Variants in CCDC171 observed in about 807,000 individuals in gnomAD.
CCDC171 encodes the protein coiled-coil domain containing 171.
A neutral mutation model predicts 168.2 loss-of-function variants in CCDC171; 177 were observed. The observed-to-expected ratio is 1.05, with a 90% CI of 0.93 to 1.19. The LOEUF (loss-of-function observed/expected upper bound fraction) is 1.19, where lower values mean the gene tolerates loss of function less well. CCDC171 is among the 50% of genes most tolerant of loss of function. The pLI is 0.00. For missense variants in CCDC171, 1,991 were observed against 1,539.0 expected (o/e 1.29, Z -4.91); for synonymous variants, 687 against 540.8 (o/e 1.27, Z -3.75).
the CCDC171 span, among the ~76,000 whole-genome samples, chr9:16,074,192 C>T: frequency 6.6e-6 from 1 of 152,126 alleles, no homozygotes; most frequent in Non-Finnish European, 1.5e-5. Flanking sequence ...CCCTTTAAAC[C>T]TTGCTTCTTG....
intron 3 of CCDC171, among the ~76,000 whole-genome samples, chr9:15,993,067 C>G (rs541982710): frequency 1.3e-5 from 2 of 152,322 alleles, no homozygotes; most frequent in East Asian, 3.9e-4. Flanking sequence ...CTACCAATGA[C>G]TGTCTTCACA....
At chr9:15,807,751 C>T (rs747830587) in intron 21 of CCDC171, among the ~76,000 whole-genome samples, 1 of 151,726 alleles carries the variant, frequency 6.6e-6, no homozygotes, top group Non-Finnish European at 1.5e-5. Flanking sequence ...AGGGTAATTT[C>T]TTCCTCTCCA....
chr9:15,786,613 C>T (rs2135517737), intron 21 of CCDC171, among the ~76,000 whole-genome samples: 1 of 152,210 alleles, frequency 6.6e-6, no homozygotes, highest in South Asian at 2.1e-4. Context: ...TGAAGCTCAG[C>T]CATTGAAACA....
intron 16 of CCDC171, among the ~76,000 whole-genome samples, chr9:15,735,766 G>T (rs2054453689): frequency 6.6e-6 from 1 of 152,148 alleles, no homozygotes; most frequent in African/African-American, 2.4e-5. Flanking sequence ...ATACACGCCA[G>T]CCTGCAGCGA....
At chr9:15,976,170 T>C (rs1193011814), downstream of CCDC171, among the ~76,000 whole-genome samples, 1 of 152,168 alleles carries the variant, frequency 6.6e-6, no homozygotes, top group African/African-American at 2.4e-5. Context: ...CACAAGTTTG[T>C]GGTAATTTGT....
At chr9:15,626,066 T>A (rs1196000747) in intron 7 of CCDC171, among the ~76,000 whole-genome samples, 2 of 152,216 alleles carry the variant, frequency 1.3e-5, no homozygotes, top group African/African-American at 2.4e-5. Context: ...AGGTATTTTA[T>A]TCTCTTTGTA....
the CCDC171 span, among the ~76,000 whole-genome samples, chr9:16,090,619 A>T: frequency 1.3e-5 from 2 of 152,186 alleles, no homozygotes; most frequent in East Asian, 1.9e-4. Context: ...AAAGAGAAGG[A>T]AACCAATGGT....
At chr9:15,875,912 T>C (rs550566190) in intron 24 of CCDC171, 62 of 152,112 alleles carry the variant, frequency 4.1e-4, no homozygotes, top group Non-Finnish European at 8.1e-4. Context: ...ATTTAAAATG[T>C]GTATTTTAAA....
chr9:15,738,133 C>T (rs2054613224), intron 16 of CCDC171, among the ~76,000 whole-genome samples: 1 of 152,150 alleles, frequency 6.6e-6, no homozygotes, highest in Non-Finnish European at 1.5e-5. Context: ...TTTTTGCCAA[C>T]ATAAAGAGCA....
chr9:15,720,070 A>G (rs1005551001), intron 11 of CCDC171, among the ~76,000 whole-genome samples: 7 of 152,054 alleles, frequency 4.6e-5, no homozygotes, highest in African/African-American at 1.7e-4. Flanking sequence ...TTTGGTTTTT[A>G]AGTTAAATGT....
chr9:16,006,210 C>T, intron 3 of CCDC171, among the ~76,000 whole-genome samples: 1 of 152,130 alleles, frequency 6.6e-6, no homozygotes, highest in Non-Finnish European at 1.5e-5. Flanking sequence ...TTTTACATTC[C>T]CACTAGCAAT....
chr9:15,775,126 C>T lies in CCDC171; in HGVS notation c.2672-2474C>T, dbSNP rs145031524. Among the ~76,000 whole-genome samples, 119 of 152,250 alleles carry T rather than the reference C, an allele frequency of 7.8e-4. No individual in the cohort carries two copies. In the Middle Eastern group the frequency reaches 0.01, roughly 13 times the overall value. On this transcript the variant is annotated intron_variant, in intron 18 of 25. Coordinates refer to ENST00000380701, the MANE Select transcript of CCDC171 (RefSeq NM_173550.4). ...GAAATAAAAAAAATTGCCCTCTGTA[C>T]TGTATAATGTGAACTATATTGTAAA... is the stretch of plus-strand genomic sequence containing the variant.
chr9:15,966,386 G>GT (rs1432927642), intron 25 of CCDC171, among the ~76,000 whole-genome samples: 1 of 152,202 alleles, frequency 6.6e-6, no homozygotes, highest in African/African-American at 2.4e-5. Context: ...CACAGTACAA[G>GT]TGAGGAAATG....
chr9:15,876,848 GACTA>G (rs1319862866), intron 24 of CCDC171, among the ~76,000 whole-genome samples: 1 of 151,998 alleles, frequency 6.6e-6, no homozygotes, highest in African/African-American at 2.4e-5. Context: ...TGATGAAGTG[GACTA>G]TTCAGAGTTC....
At chr9:15,826,915 A>C (rs1367909969) in intron 21 of CCDC171, among the ~76,000 whole-genome samples, 1 of 152,230 alleles carries the variant, frequency 6.6e-6, no homozygotes, top group Non-Finnish European at 1.5e-5. Flanking sequence ...CTAAATTGTA[A>C]CTGGAACAAA....
chr9:16,055,806 T>A (rs535394674), intron 1 of CCDC171, among the ~76,000 whole-genome samples: 15 of 152,370 alleles, frequency 9.8e-5, no homozygotes, highest in Non-Finnish European at 2.1e-4. Flanking sequence ...TTATTCCTGA[T>A]GCTCCCAGAT....
intron 7 of CCDC171, among the ~76,000 whole-genome samples, chr9:15,630,294 A>T (rs1187999754): frequency 6.6e-6 from 1 of 152,216 alleles, no homozygotes; most frequent in Non-Finnish European, 1.5e-5. Context: ...TCACGTGCAG[A>T]GACACACATA....
At chr9:15,647,808 T>A (rs1298108001) in intron 7 of CCDC171, among the ~76,000 whole-genome samples, 1 of 152,212 alleles carries the variant, frequency 6.6e-6, no homozygotes, top group East Asian at 1.9e-4. Flanking sequence ...AGCCGAATTC[T>A]GCCAGAGGTA....
rs1001913389 is a variant in CCDC171 at position 15,853,393 on chromosome 9, G to T, written c.3468+4446G>T. ...TAATTTTTTATTCTTAATTGCTGGT[G>T]TGCAGAAAAGTACAACTGATTTTTG... On this transcript the variant is annotated intron_variant, in intron 23 of 25. Transcript: ENST00000380701. Among the ~76,000 whole-genome samples, 6 of 151,584 alleles carry T rather than the reference G, an allele frequency of 4.0e-5. No homozygotes were observed. The East Asian group carries it at 7.7e-4, about 20-fold the overall frequency.
Sources: gnomAD v4.1 joint callset for allele counts (sites outside exome capture counted in the v4.1 genomes callset) on GRCh38, gnomAD v4.1.1 for gene constraint, MANE v1.5 for transcripts, NCBI Gene and HGNC (gene_info 2026-07-23, HGNC 2026-07-21) for gene names.